The following CCDC157 variants were observed in gnomAD, a reference collection of about 807,000 sequenced individuals.
CCDC157 encodes the protein coiled-coil domain-containing protein 157.
In CCDC157, 60 loss-of-function variants were observed where a neutral mutation model predicts 70.9. The ratio of observed to expected loss-of-function variants is 0.85; its 90% CI spans 0.69 to 1.05. The LOEUF (loss-of-function observed/expected upper bound fraction) is 1.05. Ranked by LOEUF, CCDC157 falls within the 50% of genes least tolerant of loss-of-function variation. The probability of loss-of-function intolerance (pLI) is 0.00; values close to 1 mark genes in which losing one functional copy is unlikely to be tolerated. For synonymous variants in CCDC157, 373 were observed against 422.4 expected, an observed-to-expected ratio of 0.88 and a Z score of 1.43; for missense variants, 943 against 984.2, an observed-to-expected ratio of 0.96 and a Z score of 0.56.
rs1241718763 is a variant in CCDC157 at position 30,376,842 on chromosome 22, AG to A, written c.*98del. The A allele has an allele frequency of 2.4e-6, 3 of 1,225,680 alleles. No individual in the cohort carries two copies. Among genetic ancestry groups the A allele is most frequent in the Non-Finnish European group, 3.4e-6 (3 of 878,326 alleles). The allele number at this position is 1,225,680 out of a possible 1,614,324, so 75.9% of individuals were successfully genotyped here. ...TGGCCCACAGCAATCTTTGCCTCAC[AG>A]TATGACTGAGCCAAGGAAAGAACCC... On this transcript the variant is annotated 3_prime_UTR_variant, in exon 12 of 12. Coordinates refer to ENST00000338306, the MANE Select transcript of CCDC157 (RefSeq NM_001017437.5).
At position 30,377,002 on chromosome 22, in the gene CCDC157, G is replaced by A; in HGVS notation, c.*257G>A. The A allele has an allele frequency of 1.8e-6, 1 of 567,110 alleles. No individual in the cohort carries two copies. The highest frequency in any genetic ancestry group is 3.2e-6 in the Non-Finnish European group (1 of 316,886). 35.1% of individuals were successfully genotyped at this position (567,110 alleles called of 1,614,324 possible). ...CCTCCCGACAGAGGCTGTGGGATAGGAGAGTACACCCAGGGCAGAGGAAGC... is the reference window on the plus strand; with the variant it reads ...CCTCCCGACAGAGGCTGTGGGATAGAAGAGTACACCCAGGGCAGAGGAAGC... On this transcript the variant is annotated 3_prime_UTR_variant, in exon 12 of 12. Transcript: ENST00000338306.
intron 2 of CCDC157, among the ~76,000 whole-genome samples, chr22:30,363,683 CTTTTTT>C (rs55722661): frequency 0.015 from 1,772 of 114,644 alleles, 33 homozygotes; most frequent in African/African-American, 0.056. Flanking sequence ...GAATGTTTCT[CTTTTTT>C]TTTTTTTTTT....
rs575285186 is a variant in CCDC157 at position 30,360,373 on chromosome 22, C to T, written c.-165-1588C>T. ...CAAAAAAATTAGCTGGGTGTTGTGG[C>T]GGGCGCCTGTAGTCCCAGCTACTCT... On this transcript the variant is annotated intron_variant, in intron 1 of 11. Transcript: ENST00000338306. Among the ~76,000 whole-genome samples, 808 of 151,656 alleles carry T rather than the reference C, an allele frequency of 5.3e-3. 3 individuals are homozygous for T. Among genetic ancestry groups the T allele is most frequent in the Middle Eastern group, 0.01 (3 of 290 alleles).
intron 1 of CCDC157, among the ~76,000 whole-genome samples, chr22:30,360,962 A>G (rs1487524740): frequency 6.6e-6 from 1 of 152,064 alleles, no homozygotes; most frequent in African/African-American, 2.4e-5. Flanking sequence ...CAGGAGAATC[A>G]CTTGAACCCA....
At position 30,373,907 on chromosome 22, in the gene CCDC157, C is replaced by G. The variant is rs1933137980; in HGVS notation, c.1504-16C>G. 6.3e-7 allele frequency: 1 copy of G among 1,599,392 alleles called. No individual in the cohort carries two copies. Among genetic ancestry groups the G allele is most frequent in the Admixed American group, 1.7e-5 (1 of 57,868 alleles). On this transcript the variant is annotated splice_polypyrimidine_tract_variant and intron_variant, in intron 8 of 11. Transcript: ENST00000338306. ...AGCTCACTCAGGAGCCAGGCCTGAG[C>G]CTCCGTCTGTCCCAGGAGCTGCTGC...
Position 30,370,759 on chromosome 22 carries a change from GC to G in CCDC157, c.856del (p.Leu286SerfsTer22). ...WAAEQRKDLT[R>X]LSKHVEALRA... Reference sequence around the variant, plus strand: ...GCAGAGCAGAGGAAAGACCTGACGCGCCTCAGTAAGCATGTGGAGGCCCTCA... The same window carrying G: ...GCAGAGCAGAGGAAAGACCTGACGCGCTCAGTAAGCATGTGGAGGCCCTCA... On this transcript the variant is annotated frameshift_variant, in exon 5 of 12. Coordinates refer to ENST00000338306, the MANE Select transcript of CCDC157 (RefSeq NM_001017437.5). LOFTEE classifies it high-confidence loss of function. 3 of 1,613,578 alleles carry G rather than the reference GC, an allele frequency of 1.9e-6. No individual in the cohort carries two copies. The highest frequency in any genetic ancestry group is 2.5e-6 in the Non-Finnish European group (3 of 1,179,962).
chr22:30,375,819 C>A, intron 10 of CCDC157, 156 bp downstream of exon 10: 1 of 670,302 alleles, frequency 1.5e-6, no homozygotes, highest in Non-Finnish European at 2.5e-6. Context: ...TTCCAGAAGG[C>A]GTGAGGATGT....
chr22:30,358,663 G>A (rs949019422), intron 1 of CCDC157, among the ~76,000 whole-genome samples: 1 of 152,214 alleles, frequency 6.6e-6, no homozygotes, highest in Non-Finnish European at 1.5e-5. Flanking sequence ...AATGTTGAAC[G>A]GAAATGCAGG....
intron 3 of CCDC157, among the ~76,000 whole-genome samples, chr22:30,368,464 G>A (rs757869): frequency 0.81 from 122,817 of 152,228 alleles, 50,234 homozygotes; most frequent in African/African-American, 0.93. Flanking sequence ...GATCACGGCT[G>A]AGGCTGCAGA....
rs1329553584 is a variant in CCDC157 at position 30,378,185 on chromosome 22, C to A, written c.*1440C>A. 2.1e-6 allele frequency: 1 copy of A among 470,672 alleles called. No individual in the cohort carries two copies. The highest frequency in any genetic ancestry group is 1.5e-5 in the South Asian group (1 of 64,562). The allele number at this position is 470,672 out of a possible 1,614,324, so 29.2% of individuals were successfully genotyped here. A position where few individuals can be genotyped will look rare whatever the true frequency, so the allele number is the denominator to read the frequency against. On this transcript the variant is annotated 3_prime_UTR_variant, in exon 12 of 12. Coordinates refer to ENST00000338306, the MANE Select transcript of CCDC157 (RefSeq NM_001017437.5). Reference sequence around the variant, plus strand: ...AGGATTTCTCATGTGCTGAATCCCCCACATGCTTCAAATCCCTGACTTCCT... The same window carrying A: ...AGGATTTCTCATGTGCTGAATCCCCAACATGCTTCAAATCCCTGACTTCCT...
rs1179389112 is a variant in CCDC157, at chr22:30,371,631, T to C, written c.1046-19T>C. On this transcript the variant is annotated intron_variant, in intron 5 of 11. Coordinates refer to ENST00000338306, the MANE Select transcript of CCDC157 (RefSeq NM_001017437.5). ...GGTCCATGGGACCCTCTGAAGGGCCTCTCTCTTGGCTGCCATAGAAACAAG... is the reference window on the plus strand; with the variant it reads ...GGTCCATGGGACCCTCTGAAGGGCCCCTCTCTTGGCTGCCATAGAAACAAG... 6.2e-7 allele frequency: 1 copy of C among 1,608,296 alleles called. No individual in the cohort carries two copies. The highest frequency in any genetic ancestry group is 1.1e-5 in the South Asian group (1 of 90,962).
intron 3 of CCDC157, 162 bp downstream of exon 3, chr22:30,366,410 C>G (rs1932742656): frequency 1.2e-6 from 1 of 805,582 alleles, no homozygotes; most frequent in Non-Finnish European, 2.0e-6. Context: ...TCAAAGTGGT[C>G]TTACCTTTTA....
In CCDC157 at chr22:30,366,466, C is replaced by T. The variant is rs544677924; in HGVS notation, c.248+218C>T. ...GCTGTGCTATCCTGTGTTAGGCTCTCCTAGCCTGTCCACCTCAGGCAGTTG... is the reference window on the plus strand; with the variant it reads ...GCTGTGCTATCCTGTGTTAGGCTCTTCTAGCCTGTCCACCTCAGGCAGTTG... On this transcript the variant is annotated intron_variant, in intron 3 of 11. Coordinates refer to ENST00000338306, the MANE Select transcript of CCDC157 (RefSeq NM_001017437.5). 16 of 610,908 alleles carry T rather than the reference C, an allele frequency of 2.6e-5. No individual in the cohort carries two copies. In the East Asian group the frequency reaches 4.3e-4, roughly 16 times the overall value. 37.8% of individuals were successfully genotyped at this position (610,908 alleles called of 1,614,324 possible).
In CCDC157 at chr22:30,376,729, A is replaced by T. The variant is rs564880776; in HGVS notation, c.2243A>T (p.Gln748Leu). Reference protein sequence around the residue: ...RGQASSAHQPQERPM With the variant: ...RGQASSAHQPLERPM Reference sequence around the variant, plus strand: ...CAGGCCAGCTCTGCACACCAGCCCCAGGAGCGGCCCATGTAGCCTGTGGCC... The same window carrying T: ...CAGGCCAGCTCTGCACACCAGCCCCTGGAGCGGCCCATGTAGCCTGTGGCC... Residue 748 changes from glutamine (Q) to leucine (L), a missense_variant, in exon 12 of 12, where the codon CAG (glutamine) becomes CTG (leucine). Gln to Leu is a moderately radical substitution (Grantham distance 113). Transcript: ENST00000338306. 4 of 1,612,622 alleles carry T rather than the reference A, an allele frequency of 2.5e-6. No homozygotes were observed. In the Middle Eastern group the frequency reaches 5.0e-4, roughly 200 times the overall value.
rs553008263 is a variant in CCDC157 at position 30,378,358 on chromosome 22, G to A, written c.*1613G>A. 63 of 290,914 alleles carry A rather than the reference G, an allele frequency of 2.2e-4. No individual in the cohort carries two copies. The highest frequency in any genetic ancestry group is 3.4e-4 in the Non-Finnish European group (49 of 142,158). The allele number at this position is 290,914 out of a possible 1,614,324, so 18.0% of individuals were successfully genotyped here. Reference sequence around the variant, plus strand: ...AAATCCCTTTGAGAAGCCAGGCGCAGTGGCTCACGTCTGTAATCCCAGCAC... The same window carrying A: ...AAATCCCTTTGAGAAGCCAGGCGCAATGGCTCACGTCTGTAATCCCAGCAC... On this transcript the variant is annotated 3_prime_UTR_variant, in exon 12 of 12. Transcript: ENST00000338306.
intron 4 of CCDC157, 153 bp from the exon 5 acceptor site, chr22:30,370,173 T>C (rs1451293612): frequency 1.2e-6 from 1 of 860,886 alleles, no homozygotes; most frequent in East Asian, 2.4e-5. Flanking sequence ...AGGGAGAAAG[T>C]TCTCTCTTAT....
chr22:30,356,853 CA>C (rs1931899132), upstream of CCDC157: 7 of 1,257,800 alleles, frequency 5.6e-6, 1 homozygote, highest in South Asian at 1.7e-4. Context: ...CGCCTCAAGA[CA>C]GCCTCCCCGC....
rs746771553 is a variant in CCDC157, at chr22:30,376,502, C to T, written c.2016C>T (p.Ser672=). Residue 672 remains serine (S), a synonymous_variant, in exon 12 of 12, where the codon TCC becomes TCT. Coordinates refer to ENST00000338306, the MANE Select transcript of CCDC157 (RefSeq NM_001017437.5). ...CCCTGCTGGGCCAGCCCTGCACATC[C>T]CCACCTCGGCAGCCCTGCACATCCC... ...GRTLLGQPCT[S]PPRQPCTSPP... is the part of the protein sequence containing the mutation. The T allele has an allele frequency of 2.5e-6, 4 of 1,607,712 alleles. No homozygotes were observed. The East Asian group carries it at 9.2e-5, about 37-fold the overall frequency.
intron 5 of CCDC157, chr22:30,371,301 C>T (rs765832016): frequency 2.0e-6 from 1 of 493,196 alleles, no homozygotes; most frequent in Admixed American, 3.4e-5. Flanking sequence ...AGAGCAGCCT[C>T]TCTGGTTGTG....
Sources: allele counts gnomAD v4.1 joint callset (sites outside exome capture counted in the v4.1 genomes callset), GRCh38; gene constraint gnomAD v4.1.1; transcripts MANE v1.5; gene names NCBI Gene and HGNC (gene_info 2026-07-23, HGNC 2026-07-21).